The following UNC13B variants were observed in gnomAD, a reference collection of about 807,000 sequenced individuals.
UNC13B encodes the protein protein unc-13 homolog B.
Under a neutral mutation model 211.0 loss-of-function variants are expected in UNC13B, and 144 were observed. The ratio of observed to expected loss-of-function variants is 0.68; its 90% CI spans 0.60 to 0.78. The LOEUF (loss-of-function observed/expected upper bound fraction) is 0.78. Ranked by LOEUF, UNC13B falls within the 30% of genes least tolerant of loss-of-function variation. The pLI is 0.00. For synonymous variants in UNC13B, 709 were observed against 725.8 expected (o/e 0.98, Z 0.37); for missense variants, 1,777 against 2,002.0 (o/e 0.89, Z 2.14).
chr9:35,347,455 T>C (rs1832432667), intron 11 of UNC13B, among the ~76,000 whole-genome samples: 1 of 152,196 alleles, frequency 6.6e-6, no homozygotes, highest in South Asian at 2.1e-4. Flanking sequence ...GGGCCTCCTG[T>C]CCCTGAGGGT....
intron 11 of UNC13B, among the ~76,000 whole-genome samples, chr9:35,340,096 A>AGGTAAACTCCACAGGAGGTAAACTCC: frequency 6.6e-6 from 1 of 152,204 alleles, no homozygotes; most frequent in East Asian, 1.9e-4. Flanking sequence ...TGGCTGAAGG[A>AGGTAAACTCCACAGGAGGTAAACTCC]TGGGAAACTC....
At chr9:35,390,818 A>G (rs1835486329) in intron 26 of UNC13B, 104 bp downstream of exon 26, 3 of 1,181,574 alleles carry the variant, frequency 2.5e-6, no homozygotes, top group African/African-American at 1.6e-5. Flanking sequence ...GGTGAGTGGT[A>G]TAGTGAGAAA....
chr9:35,274,926 T>C (rs556957997), intron 7 of UNC13B, among the ~76,000 whole-genome samples: 2 of 152,346 alleles, frequency 1.3e-5, no homozygotes, highest in East Asian at 1.9e-4. Flanking sequence ...TCAATAGATA[T>C]CATGGGTTTG....
intron 37 of UNC13B, 65 bp from the exon 38 acceptor site, chr9:35,403,102 C>A: frequency 6.6e-7 from 1 of 1,510,630 alleles, no homozygotes; most frequent in Non-Finnish European, 9.2e-7. Context: ...TGGTGACCTC[C>A]TCACCCCTCA....
At position 35,396,578 on chromosome 9, in the gene UNC13B, A is replaced by T. The variant is rs767186732; in HGVS notation, c.11411A>T (p.Gln3804Leu). 1 of 1,614,020 alleles carries T rather than the reference A, an allele frequency of 6.2e-7. No homozygotes were observed. The highest frequency in any genetic ancestry group is 1.7e-5 in the Admixed American group (1 of 60,014). The change falls in exon 27 of 40, where the codon CAG (glutamine) becomes CTG (leucine). Residue 3804 changes from glutamine (Q) to leucine (L), a missense_variant. Transcript: ENST00000635942. ...NEYVRDLPVL[Q>L]GQVPEYPAWF... ...TACGTGCGGGATCTGCCTGTCCTCC[A>T]GGGGCAGGTGCCTGAGTACCCAGCG...
At chr9:35,225,881 G>A (rs944610858) in intron 1 of UNC13B, among the ~76,000 whole-genome samples, 16 of 152,076 alleles carry the variant, frequency 1.1e-4, no homozygotes, top group African/African-American at 1.7e-4. Flanking sequence ...GGATCCCCGC[G>A]GTGACGTGTG....
chr9:35,174,507 G>A (rs1311242501), intron 1 of UNC13B, among the ~76,000 whole-genome samples: 1 of 150,830 alleles, frequency 6.6e-6, no homozygotes, highest in Admixed American at 6.6e-5. Context: ...TGTATTTTTA[G>A]TAGAGATGGG....
chr9:35,213,746 A>T (rs558799540), intron 1 of UNC13B, among the ~76,000 whole-genome samples: 8 of 152,178 alleles, frequency 5.3e-5, no homozygotes, highest in African/African-American at 1.9e-4. Flanking sequence ...GGATGGGGGA[A>T]AAAGTGTCTG....
rs1828325696 is a variant in UNC13B at position 35,278,892 on chromosome 9, T to C, written c.527-16804T>C. ...TACTGTGGATTTCTCTAGAAAGAGT[T>C]TATGCATTCACAAACATATAAATAT... On this transcript the variant is annotated intron_variant, in intron 7 of 39. Coordinates refer to ENST00000635942, the MANE Select transcript of UNC13B (RefSeq NM_001371189.2). 2.0e-5 allele frequency among the ~76,000 whole-genome samples: 3 copies of C among 152,140 alleles called. No homozygotes were observed. In the South Asian group the frequency reaches 6.2e-4, roughly 31 times the overall value.
At chr9:35,252,878 T>C (rs1587472748) in intron 6 of UNC13B, among the ~76,000 whole-genome samples, 5 of 151,798 alleles carry the variant, frequency 3.3e-5, no homozygotes, top group African/African-American at 1.2e-4. Context: ...TGCAGTGAGC[T>C]GAGATTGCAC....
chr9:35,191,876 T>C (rs1182660788), intron 1 of UNC13B, among the ~76,000 whole-genome samples: 1 of 152,238 alleles, frequency 6.6e-6, no homozygotes, highest in Non-Finnish European at 1.5e-5. Context: ...GGTCTGCATC[T>C]TAACCTAAGG....
intron 11 of UNC13B, among the ~76,000 whole-genome samples, chr9:35,363,620 TG>T (rs764737337): frequency 7.2e-5 from 11 of 152,262 alleles, no homozygotes; most frequent in Non-Finnish European, 1.5e-4. Context: ...GTGACATCAA[TG>T]GGCCTTTAAA....
In UNC13B at chr9:35,203,295, T is replaced by C. The variant is rs554114182; in HGVS notation, c.23-24720T>C. On this transcript the variant is annotated intron_variant, in intron 1 of 39. Coordinates refer to ENST00000635942, the MANE Select transcript of UNC13B (RefSeq NM_001371189.2). ...GGCATGTTTTTGCAGTGGCTGGTAC[T>C]GGTTGTTCCTTTCCATGTTTAGTGC... 1.6e-3 allele frequency among the ~76,000 whole-genome samples: 249 copies of C among 152,338 alleles called. 1 individual carries two copies. The highest frequency in any genetic ancestry group is 5.5e-3 in the African/African-American group (229 of 41,576).
chr9:35,310,356 C>T (rs1007950846), intron 9 of UNC13B, 111 bp from the exon 10 acceptor site: 20 of 1,180,630 alleles, frequency 1.7e-5, no homozygotes, highest in Admixed American at 2.3e-5. Flanking sequence ...CAGGAACCTC[C>T]TATTTGATTC....
At chr9:35,324,722 C>T (rs1260583444) in intron 11 of UNC13B, among the ~76,000 whole-genome samples, 2 of 152,214 alleles carry the variant, frequency 1.3e-5, no homozygotes, top group African/African-American at 2.4e-5. Flanking sequence ...AGTCTCTTTT[C>T]TGATTTCTCT....
chr9:35,235,990 C>T (rs1825482554), intron 3 of UNC13B, among the ~76,000 whole-genome samples: 1 of 150,706 alleles, frequency 6.6e-6, no homozygotes, highest in Non-Finnish European at 1.5e-5. Context: ...TTTCCCGCCC[C>T]CCCTCCCCAC....
intron 7 of UNC13B, among the ~76,000 whole-genome samples, chr9:35,283,201 T>C (rs1359432271): frequency 6.6e-6 from 1 of 152,206 alleles, no homozygotes; most frequent in Non-Finnish European, 1.5e-5. Flanking sequence ...TTGATTAATA[T>C]TTGTTCCCTT....
intron 11 of UNC13B, among the ~76,000 whole-genome samples, chr9:35,334,272 T>C (rs1443708015): frequency 3.3e-5 from 5 of 152,224 alleles, no homozygotes; most frequent in Non-Finnish European, 1.5e-5. Flanking sequence ...AGCCCTGATA[T>C]TCATTTTTGT....
intron 11 of UNC13B, among the ~76,000 whole-genome samples, chr9:35,355,655 T>C (rs1000306317): frequency 6.6e-6 from 1 of 152,236 alleles, no homozygotes; most frequent in African/African-American, 2.4e-5. Flanking sequence ...CATAAAATGC[T>C]ATGTTTGCCA....
Sources: allele counts gnomAD v4.1 joint callset (sites outside exome capture counted in the v4.1 genomes callset), GRCh38; gene constraint gnomAD v4.1.1; transcripts MANE v1.5; gene names NCBI Gene and HGNC (gene_info 2026-07-23, HGNC 2026-07-21).